PIK3R2: variants seen among roughly 807,000 people sequenced by gnomAD.
The protein encoded by PIK3R2 is phosphatidylinositol 3-kinase regulatory subunit beta.
PIK3R2 carries 40 observed loss-of-function variants against 78.5 expected under a neutral mutation model. The ratio of observed to expected loss-of-function variants is 0.51; its 90% CI spans 0.40 to 0.66. PIK3R2 has a LOEUF of 0.66. Among genes scored for constraint, PIK3R2 ranks in the 30% least tolerant of loss-of-function variants. The pLI is 0.00. For synonymous variants in PIK3R2, 473 were observed against 457.7 expected (o/e 1.03, Z -0.43); for missense variants, 880 against 1,026.6 (o/e 0.86, Z 1.95).
rs1249936035 is a variant in PIK3R2, at chr19:18,156,149, A to G, written c.270A>G (p.Pro90=). Residue 90 remains proline (P), a synonymous_variant, in exon 2 of 16, where the codon CCA becomes CCG. Coordinates refer to ENST00000222254, the MANE Select transcript of PIK3R2 (RefSeq NM_005027.4). This position sits in a 1 kb window ranked among gnomAD's most constrained non-coding sequence, Gnocchi z 4.2. The part of the protein sequence containing the change: ...PVALARPGPR[P]RGPRPLPARP... ...CCCTGGCCCGGCCCGGCCCTCGCCCACGGGGCCCCCGCCCACTGCCCGCCA... is the reference window on the plus strand; with the variant it reads ...CCCTGGCCCGGCCCGGCCCTCGCCCGCGGGGCCCCCGCCCACTGCCCGCCA... 1.4e-6 allele frequency: 2 copies of G among 1,468,758 alleles called. No homozygotes were observed. Among genetic ancestry groups the G allele is most frequent in the Non-Finnish European group, 1.8e-6 (2 of 1,114,166 alleles). The allele number at this position is 1,468,758 out of a possible 1,614,324, so 91.0% of individuals were successfully genotyped here. A position where few individuals can be genotyped will look rare whatever the true frequency, so the allele number is the denominator to read the frequency against.
rs2043818489 is a variant in PIK3R2, at chr19:18,167,197, G to A, written c.1627G>A (p.Glu543Lys). 2 of 1,611,688 alleles carry A rather than the reference G, an allele frequency of 1.2e-6. No individual in the cohort carries two copies. The highest frequency in any genetic ancestry group is 3.4e-5 in the Admixed American group (2 of 59,676). Residue 543 changes from glutamate to lysine, a missense_variant, in exon 13 of 16, where the codon GAG (glutamate) becomes AAG (lysine). Coordinates refer to ENST00000222254, the MANE Select transcript of PIK3R2 (RefSeq NM_005027.4). This position sits in a 1 kb window ranked among gnomAD's most constrained non-coding sequence, Gnocchi z 4.5. ...GATCCATGAGAGCCGCACGAAGCTGGAGCAGCAGCTGCGGGCCCAGGCCTC... is the reference window on the plus strand; with the variant it reads ...GATCCATGAGAGCCGCACGAAGCTGAAGCAGCAGCTGCGGGCCCAGGCCTC... ...AEIHESRTKL[E>K]QQLRAQASDN...
rs1478222342 is a variant in PIK3R2, at chr19:18,160,953, G to A, written c.450G>A (p.Leu150=). ...GCGAATCTCACTACCGCCCGGAGCT[G>A]CCCGCACCGCGTACAGGTGAAGGGG... ...LDSESHYRPE[L]PAPRTDWSLS... Residue 150 remains leucine, a synonymous_variant, in exon 4 of 16, where the codon CTG becomes CTA. Transcript: ENST00000222254. The A allele has an allele frequency of 6.2e-7, 1 of 1,612,232 alleles. No individual in the cohort carries two copies. The highest frequency in any genetic ancestry group is 2.2e-5 in the East Asian group (1 of 44,862).
chr19:18,157,775 T>C (rs1284871480), intron 2 of PIK3R2, among the ~76,000 whole-genome samples: 4 of 144,622 alleles, frequency 2.8e-5, no homozygotes, highest in African/African-American at 1.0e-4. Flanking sequence ...CAGCTGGGCC[T>C]TTCTCCAGCT....
In PIK3R2 at chr19:18,161,055, C is replaced by T; in HGVS notation, c.468C>T (p.Asp156=). The T allele has an allele frequency of 6.2e-7, 1 of 1,611,320 alleles. No individual in the cohort carries two copies. Among genetic ancestry groups the T allele is most frequent in the Non-Finnish European group, 8.5e-7 (1 of 1,179,202 alleles). ...YRPELPAPRT[D]WSLSDVDQWD... ...ACGTGTGCCCCCCTGCACCCGCAGACTGGTCCCTGAGCGACGTGGATCAGT... is the reference window on the plus strand; with the variant it reads ...ACGTGTGCCCCCCTGCACCCGCAGATTGGTCCCTGAGCGACGTGGATCAGT... Residue 156 remains aspartate (D), a splice_region_variant and synonymous_variant, in exon 5 of 16, where the codon GAC becomes GAT. Transcript: ENST00000222254. The surrounding 1 kb of genome is among the most constrained non-coding windows in gnomAD (Gnocchi z 5.3).
At position 18,168,779 on chromosome 19, in the gene PIK3R2, C is replaced by G; in HGVS notation, c.1862C>G (p.Thr621Ser). ...EDDLPHHEER[T>S]WYVGKINRTQ... ...GATCTCCCGCACCACGAGGAACGCA[C>G]TTGGTACGTGGGCAAGATCAACCGC... Residue 621 changes from threonine (T) to serine (S), a missense_variant, in exon 15 of 16, where the codon ACT becomes AGT. Physicochemically the swap from Thr to Ser is moderately conservative, Grantham distance 58 (BLOSUM62 1). Around this residue, in one of 3 missense-constraint regions of PIK3R2, gnomAD observed 268 missense variants for 299.1 expected, o/e 0.90. Transcript: ENST00000222254. The surrounding 1 kb of genome is among the most constrained non-coding windows in gnomAD (Gnocchi z 4.1). 6.2e-7 allele frequency: 1 copy of G among 1,613,950 alleles called. No homozygotes were observed. Among genetic ancestry groups the G allele is most frequent in the Non-Finnish European group, 8.5e-7 (1 of 1,179,966 alleles).
At chr19:18,158,406 G>T (rs2043701270) in intron 2 of PIK3R2, among the ~76,000 whole-genome samples, 2 of 151,356 alleles carry the variant, frequency 1.3e-5, no homozygotes, top group Non-Finnish European at 2.9e-5. Context: ...CACGAGAATC[G>T]CTTGAACCCG....
Position 18,162,493 on chromosome 19 carries a change from A to C in PIK3R2, c.1096A>C (p.Thr366Pro). Residue 366 changes from threonine to proline, a missense_variant, in exon 9 of 16, where the codon ACG becomes CCG. By Grantham distance (38) the Thr-to-Pro change is conservative (BLOSUM62 -1). This residue lies in a region of PIK3R2 where 156 missense variants were observed against 241.0 expected (regional missense o/e 0.65). Coordinates refer to ENST00000222254, the MANE Select transcript of PIK3R2 (RefSeq NM_005027.4). ...TTCTAGCAAGATCCAGGGCGAGTAC[A>C]CGCTGACCCTCAGGTGGGGGCCTGT... ...DASSKIQGEYTLTLRKGGNNK... is the reference protein window; with the variant it reads ...DASSKIQGEYPLTLRKGGNNK... 6.2e-7 allele frequency: 1 copy of C among 1,613,100 alleles called. No individual in the cohort carries two copies. Among genetic ancestry groups the C allele is most frequent in the South Asian group, 1.1e-5 (1 of 91,080 alleles).
chr19:18,155,163 C>T (rs184025861), intron 1 of PIK3R2, among the ~76,000 whole-genome samples: 38 of 145,266 alleles, frequency 2.6e-4, no homozygotes, highest in Admixed American at 7.1e-4. Context: ...CACCACTGCA[C>T]TCCAGCCTGG....
At position 18,155,805 on chromosome 19, in the gene PIK3R2, C is replaced by T; in HGVS notation, c.-75C>T. Reference sequence around the variant, plus strand: ...GCCAACCCAGCGGACCCTCCCAGCCCTGCTTCAACCAATGGGGCCAGTGGG... The same window carrying T: ...GCCAACCCAGCGGACCCTCCCAGCCTTGCTTCAACCAATGGGGCCAGTGGG... On this transcript the variant is annotated 5_prime_UTR_variant, in exon 2 of 16. Transcript: ENST00000222254. 1 of 1,387,720 alleles carries T rather than the reference C, an allele frequency of 7.2e-7. No homozygotes were observed. Among genetic ancestry groups the T allele is most frequent in the Middle Eastern group, 1.8e-4 (1 of 5,460 alleles). The allele number at this position is 1,387,720 out of a possible 1,614,324, so 86.0% of individuals were successfully genotyped here. A position where few individuals can be genotyped will look rare whatever the true frequency, so the allele number is the denominator to read the frequency against.
Position 18,155,938 on chromosome 19 carries a change from CG to C in PIK3R2, c.61del (p.Glu21ArgfsTer12). 1 of 1,570,816 alleles carries C rather than the reference CG, an allele frequency of 6.4e-7. No individual in the cohort carries two copies. The highest frequency in any genetic ancestry group is 8.6e-7 in the Non-Finnish European group (1 of 1,158,422). ...CTGTACCCGTTCCGCCGGGAGCGGC[CG>C]GAGGACCTGGAGCTGCTGCCCGGCG... Reference protein sequence around the residue: ...RALYPFRRERPEDLELLPGDV... With the variant: ...RALYPFRRERXEDLELLPGDV... On this transcript the variant is annotated frameshift_variant, in exon 2 of 16. Coordinates refer to ENST00000222254, the MANE Select transcript of PIK3R2 (RefSeq NM_005027.4). LOFTEE classifies it high-confidence loss of function.
chr19:18,168,852 C>T lies in PIK3R2; in HGVS notation c.1935C>T (p.Leu645=). ...GTGGCAAGCGGGATGGCACCTTCCT[C>T]ATCCGCGAGAGCAGCCAGCGGGGCT... is the stretch of plus-strand genomic sequence containing the variant. ...MLSGKRDGTF[L]IRESSQRGCY... is the part of the protein sequence containing the mutation. Residue 645 remains leucine, a synonymous_variant, in exon 15 of 16, where the codon CTC becomes CTT. Transcript: ENST00000222254. This position sits in a 1 kb window ranked among gnomAD's most constrained non-coding sequence, Gnocchi z 4.1. 1 of 1,613,734 alleles carries T rather than the reference C, an allele frequency of 6.2e-7. No individual in the cohort carries two copies. The highest frequency in any genetic ancestry group is 8.5e-7 in the Non-Finnish European group (1 of 1,179,870).
intron 9 of PIK3R2, 75 bp from the exon 10 acceptor site, chr19:18,162,892 C>A (rs2043765645): frequency 6.8e-6 from 9 of 1,331,056 alleles, no homozygotes; most frequent in Non-Finnish European, 8.3e-6. Flanking sequence ...GACTCTGTCT[C>A]AAAAAAAAAG....
intron 11 of PIK3R2, 105 bp from the exon 12 acceptor site, chr19:18,166,055 G>C: frequency 7.1e-7 from 1 of 1,401,116 alleles, no homozygotes; most frequent in Non-Finnish European, 1.0e-6. Context: ...CTGATAGAGG[G>C]ACCAGCTTGA....
At position 18,167,383 on chromosome 19, in the gene PIK3R2, G is replaced by GTC. The variant is rs948751980; in HGVS notation, c.1736+88_1736+89dup. On this transcript the variant is annotated intron_variant, in intron 13 of 15. Coordinates refer to ENST00000222254, the MANE Select transcript of PIK3R2 (RefSeq NM_005027.4). The surrounding 1 kb of genome is among the most constrained non-coding windows in gnomAD (Gnocchi z 4.5). ...CATGGAGATCTCTCTAGGAGTCTCA[G>GTC]TCTCTCTCTCTCCACCAAGTGGCCC... 31 of 1,271,722 alleles carry GTC rather than the reference G, an allele frequency of 2.4e-5. No homozygotes were observed. The highest frequency in any genetic ancestry group is 1.4e-4 in the Admixed American group (5 of 36,586). The allele number at this position is 1,271,722 out of a possible 1,614,324, so 78.8% of individuals were successfully genotyped here.
At chr19:18,164,319 C>T (rs1470580922) in intron 11 of PIK3R2, among the ~76,000 whole-genome samples, 1 of 151,980 alleles carries the variant, frequency 6.6e-6, no homozygotes, top group African/African-American at 2.4e-5. Context: ...ACCTTGATTA[C>T]TTATGTCCCC....
rs1437613702 is a variant in PIK3R2 at position 18,159,464 on chromosome 19, C to T, written c.323-1007C>T. Among the ~76,000 whole-genome samples the T allele has an allele frequency of 3.3e-5, 5 of 151,850 alleles. No individual in the cohort carries two copies. In the East Asian group the frequency reaches 9.7e-4, roughly 29 times the overall value. On this transcript the variant is annotated intron_variant, in intron 2 of 15. Coordinates refer to ENST00000222254, the MANE Select transcript of PIK3R2 (RefSeq NM_005027.4). Reference sequence around the variant, plus strand: ...TGGCTTTCTCTTCTTTTTTTTGAGACAGAGTCTCACTCTGTCACCCAGACT... The same window carrying T: ...TGGCTTTCTCTTCTTTTTTTTGAGATAGAGTCTCACTCTGTCACCCAGACT...
In PIK3R2 at chr19:18,155,859, C is replaced by A. The variant is rs1257034496; in HGVS notation, c.-21C>A. ...CCAAGCAGCCACCTAACCATCCAGACCCCACCCCACTCACGCGGCCATGGC... is the reference window on the plus strand; with the variant it reads ...CCAAGCAGCCACCTAACCATCCAGAACCCACCCCACTCACGCGGCCATGGC... On this transcript the variant is annotated 5_prime_UTR_variant, in exon 2 of 16. Transcript: ENST00000222254. The A allele has an allele frequency of 5.9e-6, 9 of 1,529,362 alleles. No individual in the cohort carries two copies. Among genetic ancestry groups the A allele is most frequent in the African/African-American group, 1.4e-5 (1 of 71,378 alleles). The allele number at this position is 1,529,362 out of a possible 1,614,324, so 94.7% of individuals were successfully genotyped here.
At chr19:18,158,081 T>C (rs995090828) in intron 2 of PIK3R2, among the ~76,000 whole-genome samples, 4 of 152,260 alleles carry the variant, frequency 2.6e-5, no homozygotes, top group Non-Finnish European at 4.4e-5. Flanking sequence ...AATAATTTTT[T>C]AGAAGCAAAA....
At chr19:18,153,812 C>T (rs2043648113) in intron 1 of PIK3R2, among the ~76,000 whole-genome samples, 1 of 152,168 alleles carries the variant, frequency 6.6e-6, no homozygotes, top group African/African-American at 2.4e-5. Context: ...CCGGGGCGCG[C>T]ACACCGGGGC....
Sources: allele counts gnomAD v4.1 joint callset (sites outside exome capture counted in the v4.1 genomes callset), GRCh38; gene constraint gnomAD v4.1.1; regional missense constraint gnomAD v4.1.1; non-coding constraint Gnocchi (gnomAD v3.1); transcripts MANE v1.5; gene names NCBI Gene and HGNC (gene_info 2026-07-23, HGNC 2026-07-21).